Variants in NR1D1 observed in about 807,000 individuals in gnomAD.
The protein encoded by NR1D1 is Rev-ErbAalpha.
Under a neutral mutation model 51.1 loss-of-function variants are expected in NR1D1, and 17 were observed. That is an observed-to-expected ratio of 0.33 (90% confidence interval 0.23 to 0.50). NR1D1 has a LOEUF of 0.50. NR1D1 is among the 20% of genes least tolerant of loss of function. The pLI, the probability that NR1D1 is intolerant of heterozygous loss-of-function variation, is 0.98. For missense variants in NR1D1, 647 were observed against 830.4 expected (o/e 0.78, Z 2.71); for synonymous variants, 341 against 333.4 (o/e 1.02, Z -0.25).
At chr17:40,099,224 G>A (rs992375701) in intron 1 of NR1D1, among the ~76,000 whole-genome samples, 6 of 152,186 alleles carry the variant, frequency 3.9e-5, no homozygotes, top group Admixed American at 1.3e-4. Context: ...CGTCAATCGA[G>A]AGCAGTCGCC....
rs201675851 is a variant in NR1D1, at chr17:40,093,958, G to A, written c.1599C>T (p.Thr533=). The part of the protein sequence containing the change: ...FSEKLNSLAL[T]EEELGLFTAV... Reference sequence around the variant, plus strand: ...CGGTGAAGAGGCCCAGCTCCTCCTCGGTAAGCGCCAGGGAGTTGAGCTTCT... The same window carrying A: ...CGGTGAAGAGGCCCAGCTCCTCCTCAGTAAGCGCCAGGGAGTTGAGCTTCT... The change falls in exon 7 of 8, where the codon ACC becomes ACT. Residue 533 remains threonine, a synonymous_variant. Transcript: ENST00000246672. The surrounding 1 kb of genome is among the most constrained non-coding windows in gnomAD (Gnocchi z 5.9). 29 of 1,613,744 alleles carry A rather than the reference G, an allele frequency of 1.8e-5. No individual in the cohort carries two copies. The highest frequency in any genetic ancestry group is 4.0e-5 in the African/African-American group (3 of 74,918).
intron 1 of NR1D1, among the ~76,000 whole-genome samples, chr17:40,098,009 G>C (rs930220501): frequency 1.3e-5 from 2 of 152,232 alleles, no homozygotes; most frequent in African/African-American, 4.8e-5. Flanking sequence ...AGCCACAGTG[G>C]AGTCTATCCC....
intron 4 of NR1D1, 54 bp from the exon 5 acceptor site, chr17:40,096,141 C>T (rs991861181): frequency 6.4e-7 from 1 of 1,574,614 alleles, no homozygotes; most frequent in Non-Finnish European, 8.6e-7. Flanking sequence ...TCACGTGCTT[C>T]TCTTCCTTCC....
In NR1D1 at chr17:40,095,038, G is replaced by A. The variant is rs375954577; in HGVS notation, c.1331C>T (p.Thr444Met). The A allele has an allele frequency of 7.4e-6, 12 of 1,614,040 alleles. No individual in the cohort carries two copies. Among genetic ancestry groups the A allele is most frequent in the South Asian group, 3.3e-5 (3 of 91,094 alleles). ...CTCTACCACCTCCCGCACAGCGGGC[G>A]TGAAGCTCATGGAGAAATCCTCCCA... ...EIWEDFSMSF[T>M]PAVREVVEFA... Residue 444 changes from threonine (T) to methionine (M), a missense_variant, in exon 6 of 8, where the codon ACG becomes ATG. Thr to Met is a moderately conservative substitution (Grantham distance 81). Coordinates refer to ENST00000246672, the MANE Select transcript of NR1D1 (RefSeq NM_021724.5).
chr17:40,093,510 G>A lies in NR1D1; in HGVS notation c.1646-228C>T, dbSNP rs1191534499. ...AGCAGGGCTGGTCACCTCCCATCCC[G>A]TAAGACCACCTTCCCTTCCTCAGCA... On this transcript the variant is annotated intron_variant, in intron 7 of 7. Coordinates refer to ENST00000246672, the MANE Select transcript of NR1D1 (RefSeq NM_021724.5). The surrounding 1 kb of genome is among the most constrained non-coding windows in gnomAD (Gnocchi z 5.9). The A allele has an allele frequency of 2.0e-4, 271 of 1,383,272 alleles. 1 individual carries two copies. The highest frequency in any genetic ancestry group is 8.8e-4 in the Admixed American group (32 of 36,234). The allele number at this position is 1,383,272 out of a possible 1,614,324, so 85.7% of individuals were successfully genotyped here. A position where few individuals can be genotyped will look rare whatever the true frequency, so the allele number is the denominator to read the frequency against.
intron 4 of NR1D1, 34 bp downstream of exon 4, chr17:40,096,406 CGGA>C: frequency 6.2e-7 from 1 of 1,612,946 alleles, no homozygotes; most frequent in South Asian, 1.1e-5. Flanking sequence ...AAACTTTGGG[CGGA>C]AGAAGGGGGG....
At chr17:40,097,757 T>G (rs1436029933) in intron 1 of NR1D1, among the ~76,000 whole-genome samples, 1 of 152,208 alleles carries the variant, frequency 6.6e-6, no homozygotes, top group Non-Finnish European at 1.5e-5. Context: ...GATGGGCAGC[T>G]GAGCACCATT....
In NR1D1 at chr17:40,100,171, C is replaced by T. The variant is rs1268405700; in HGVS notation, c.-77G>A. ...AGGTTGCGATCGCCGCTGTTGCCCC[C>T]TGGGCACTGGCTAAGGGCGGGGAGT... On this transcript the variant is annotated 5_prime_UTR_variant, in exon 1 of 8. Coordinates refer to ENST00000246672, the MANE Select transcript of NR1D1 (RefSeq NM_021724.5). The T allele has an allele frequency of 1.8e-6, 2 of 1,139,558 alleles. No homozygotes were observed. Among genetic ancestry groups the T allele is most frequent in the East Asian group, 4.7e-5 (2 of 42,790 alleles). The allele number at this position is 1,139,558 out of a possible 1,614,324, so 70.6% of individuals were successfully genotyped here. A position where few individuals can be genotyped will look rare whatever the true frequency, so the allele number is the denominator to read the frequency against.
chr17:40,095,862 C>G lies in NR1D1; in HGVS notation c.830G>C (p.Arg277Thr), dbSNP rs139766717. ...SQFPQQLTPP[R>T]SPSPEPTVED... ...CACTGTGGGCTCAGGGCTTGGGGAT[C>G]TGGGAGGCGTCAGCTGTTGTGGAAA... The change falls in exon 5 of 8, where the codon AGA (arginine) becomes ACA (threonine). Residue 277 changes from arginine to threonine, a missense_variant. Arg to Thr is a moderately conservative substitution (Grantham distance 71). This residue lies in a region of NR1D1 where 51 missense variants were observed against 75.9 expected (regional missense o/e 0.67). Coordinates refer to ENST00000246672, the MANE Select transcript of NR1D1 (RefSeq NM_021724.5). The G allele has an allele frequency of 9.9e-6, 16 of 1,612,742 alleles. No homozygotes were observed. In the African/African-American group the frequency reaches 2.1e-4, roughly 22 times the overall value.
chr17:40,098,492 A>G (rs1987807731), intron 1 of NR1D1, among the ~76,000 whole-genome samples: 1 of 152,222 alleles, frequency 6.6e-6, no homozygotes, highest in African/African-American at 2.4e-5. Flanking sequence ...GGATGGAATC[A>G]TTAGTTGGCA....
In NR1D1 at chr17:40,100,189, C is replaced by T. The variant is rs1181444527; in HGVS notation, c.-95G>A. ...TTGCCCCCTGGGCACTGGCTAAGGG[C>T]GGGGAGTGGACCCCGCGACTCACGA... is the stretch of plus-strand genomic sequence containing the variant. On this transcript the variant is annotated 5_prime_UTR_variant, in exon 1 of 8. Transcript: ENST00000246672. 2 of 970,316 alleles carry T rather than the reference C, an allele frequency of 2.1e-6. No homozygotes were observed. Among genetic ancestry groups the T allele is most frequent in the Non-Finnish European group, 3.3e-6 (2 of 598,044 alleles). The allele number at this position is 970,316 out of a possible 1,614,324, so 60.1% of individuals were successfully genotyped here.
intron 1 of NR1D1, 107 bp downstream of exon 1, chr17:40,099,957 G>A: frequency 2.4e-6 from 2 of 841,120 alleles, no homozygotes; most frequent in East Asian, 4.9e-5. Context: ...CAAATCTCCG[G>A]GCCGAGGGAC....
In NR1D1 at chr17:40,100,166, G is replaced by A. The variant is rs201363472; in HGVS notation, c.-72C>T. The A allele has an allele frequency of 1.3e-4, 164 of 1,219,206 alleles. No homozygotes were observed. Among genetic ancestry groups the A allele is most frequent in the Non-Finnish European group, 2.2e-5 (18 of 821,762 alleles). 75.5% of individuals were successfully genotyped at this position (1,219,206 alleles called of 1,614,324 possible). On this transcript the variant is annotated 5_prime_UTR_variant, in exon 1 of 8. Transcript: ENST00000246672. ...ACTAGAGGTTGCGATCGCCGCTGTTGCCCCCTGGGCACTGGCTAAGGGCGG... is the reference window on the plus strand; with the variant it reads ...ACTAGAGGTTGCGATCGCCGCTGTTACCCCCTGGGCACTGGCTAAGGGCGG...
intron 1 of NR1D1, among the ~76,000 whole-genome samples, chr17:40,098,760 C>T (rs1223610034): frequency 6.6e-6 from 1 of 152,174 alleles, no homozygotes. Flanking sequence ...CCTTAGTAGG[C>T]AAACTGCAGC....
rs751134983 is a variant in NR1D1, at chr17:40,093,240, T to C, written c.1688A>G (p.Gln563Arg). ...CCGAAGAGCCCGCAGCAGCGTCTCC[T>C]GGAGCTGCTCCACCGAAGCGGAATT... The part of the protein sequence containing the change: ...MENSASVEQL[Q>R]ETLLRALRAL... Residue 563 changes from glutamine to arginine, a missense_variant, in exon 8 of 8, where the codon CAG becomes CGG. Around this residue, in one of 7 missense-constraint regions of NR1D1, gnomAD observed 155 missense variants for 236.8 expected, o/e 0.65. Coordinates refer to ENST00000246672, the MANE Select transcript of NR1D1 (RefSeq NM_021724.5). The surrounding 1 kb of genome is among the most constrained non-coding windows in gnomAD (Gnocchi z 5.9). 1.7e-5 allele frequency: 27 copies of C among 1,613,588 alleles called. No homozygotes were observed. The highest frequency in any genetic ancestry group is 5.1e-6 in the Non-Finnish European group (6 of 1,180,040).
intron 6 of NR1D1, 96 bp from the exon 7 acceptor site, chr17:40,094,218 TC>T (rs1284538297): frequency 9.1e-7 from 1 of 1,097,920 alleles, no homozygotes; most frequent in Non-Finnish European, 1.4e-6. Flanking sequence ...GGTGCTGCCT[TC>T]GATTTCTCAG....
At position 40,095,546 on chromosome 17, in the gene NR1D1, G is replaced by C; in HGVS notation, c.1146C>G (p.Asn382Lys). The C allele has an allele frequency of 6.2e-7, 1 of 1,606,440 alleles. No individual in the cohort carries two copies. The highest frequency in any genetic ancestry group is 8.5e-7 in the Non-Finnish European group (1 of 1,175,670). Residue 382 changes from asparagine to lysine, a missense_variant, in exon 5 of 8, where the codon AAC becomes AAG. Transcript: ENST00000246672. Reference protein sequence around the residue: ...GPAHHSCHQSNSNGHRLCPTH... With the variant: ...GPAHHSCHQSKSNGHRLCPTH... Reference sequence around the variant, plus strand: ...TGGGGCATAGACGGTGCCCGTTGCTGTTGGACTGGTGGCAGCTGTGGTGTG... The same window carrying C: ...TGGGGCATAGACGGTGCCCGTTGCTCTTGGACTGGTGGCAGCTGTGGTGTG...
chr17:40,095,699 C>T lies in NR1D1; in HGVS notation c.993G>A (p.Trp331Ter). ...GSPPATTPHRWENQGCPPAPN... is the reference protein window; with the variant it reads ...GSPPATTPHR ...GGGCAGGTGGGCAGCCCTGATTTTC[C>T]CAGCGATGTGGGGTGGTGGCTGGAG... The change falls in exon 5 of 8, where the codon TGG becomes TGA. Residue 331 changes from tryptophan (W) to a stop codon, truncating the protein, a stop_gained. Transcript: ENST00000246672. LOFTEE classifies it high-confidence loss of function. 1 of 1,612,772 alleles carries T rather than the reference C, an allele frequency of 6.2e-7. No homozygotes were observed. The highest frequency in any genetic ancestry group is 8.5e-7 in the Non-Finnish European group (1 of 1,179,066).
chr17:40,098,672 C>T (rs765232369), intron 1 of NR1D1, among the ~76,000 whole-genome samples: 11 of 152,156 alleles, frequency 7.2e-5, no homozygotes, highest in Non-Finnish European at 1.6e-4. Flanking sequence ...CTCTTTGGGT[C>T]TCAGTTTTCC....
Sources: gnomAD v4.1 joint callset for allele counts (sites outside exome capture counted in the v4.1 genomes callset) on GRCh38, gnomAD v4.1.1 for gene constraint, gnomAD v4.1.1 regional missense constraint, Gnocchi (gnomAD v3.1) non-coding constraint, MANE v1.5 for transcripts, NCBI Gene and HGNC (gene_info 2026-07-23, HGNC 2026-07-21) for gene names.